DAB1: variants seen among roughly 807,000 people sequenced by gnomAD.
DAB1 encodes DAB adaptor protein 1.
Under a neutral mutation model 64.6 loss-of-function variants are expected in DAB1, and 15 were observed. The ratio of observed to expected loss-of-function variants is 0.23; its 90% CI spans 0.16 to 0.36. The LOEUF is 0.36. Ranked by LOEUF, DAB1 falls within the 10% of genes least tolerant of loss-of-function variation. The probability of loss-of-function intolerance (pLI) is 1.00; values close to 1 mark genes in which losing one functional copy is unlikely to be tolerated. For synonymous variants in DAB1, 235 were observed against 251.9 expected (o/e 0.93, Z 0.64); for missense variants, 596 against 706.7 (o/e 0.84, Z 1.78).
chr1:58,347,355 G>A (rs1036374405), intron 3 of DAB1, among the ~76,000 whole-genome samples: 3 of 152,088 alleles, frequency 2.0e-5, no homozygotes, highest in African/African-American at 4.8e-5. Context: ...CGATTCACCC[G>A]CCTCAGCTTC....
At chr1:57,236,136 C>T (rs764849527) in intron 2 of DAB1, among the ~76,000 whole-genome samples, 13 of 152,192 alleles carry the variant, frequency 8.5e-5, no homozygotes, top group Non-Finnish European at 1.5e-4. Flanking sequence ...AAGGCTTTTA[C>T]GGAGTTCATT....
upstream of DAB1, among the ~76,000 whole-genome samples, chr1:57,887,888 G>GA (rs932201342): frequency 2.0e-5 from 3 of 152,056 alleles, no homozygotes; most frequent in Non-Finnish European, 2.9e-5. Flanking sequence ...ACTTCATAGG[G>GA]AAAAAAATAA....
chr1:57,602,541 T>C (rs1449983248), intron 7 of DAB1, among the ~76,000 whole-genome samples: 11 of 152,138 alleles, frequency 7.2e-5, no homozygotes, highest in African/African-American at 2.2e-4. Flanking sequence ...TATGTTAGGA[T>C]TGCATAGCTG....
chr1:57,685,850 G>A (rs1646691058), intron 6 of DAB1, among the ~76,000 whole-genome samples: 1 of 152,090 alleles, frequency 6.6e-6, no homozygotes, highest in African/African-American at 2.4e-5. Flanking sequence ...TAAAAAAATT[G>A]TTTGAAATTT....
At chr1:58,446,927 CTGTT>C (rs1164505768) in intron 3 of DAB1, among the ~76,000 whole-genome samples, 2 of 152,208 alleles carry the variant, frequency 1.3e-5, no homozygotes, top group African/African-American at 4.8e-5. Context: ...GGATGACAAG[CTGTT>C]CCAGTTTATT....
chr1:57,863,359 T>C (rs1335450233), intron 1 of DAB1: 1 of 152,196 alleles, frequency 6.6e-6, no homozygotes, highest in Non-Finnish European at 1.5e-5. Flanking sequence ...TTAAATGTAG[T>C]GATGGTTTCA....
At chr1:57,672,151 AC>A (rs1646517180) in intron 6 of DAB1, among the ~76,000 whole-genome samples, 1 of 152,140 alleles carries the variant, frequency 6.6e-6, no homozygotes. Context: ...CAGTCAGGTG[AC>A]AAATCTAGAA....
intron 4 of DAB1, among the ~76,000 whole-genome samples, chr1:58,191,618 CT>C (rs1657392590): frequency 6.6e-6 from 1 of 152,182 alleles, no homozygotes; most frequent in Admixed American, 6.5e-5. Context: ...CAAAATGATG[CT>C]TTGCAATCGA....
chr1:57,172,457 T>C (rs1222279741), intron 2 of DAB1, among the ~76,000 whole-genome samples: 1 of 152,206 alleles, frequency 6.6e-6, no homozygotes, highest in African/African-American at 2.4e-5. Context: ...TGGCATTGTC[T>C]TAGTCTATTT....
At chr1:57,731,603 G>A (rs1647422325) in intron 6 of DAB1, among the ~76,000 whole-genome samples, 1 of 152,044 alleles carries the variant, frequency 6.6e-6, no homozygotes, top group South Asian at 2.1e-4. Flanking sequence ...TCAGGAGTTC[G>A]AGACCAGCCT....
At chr1:58,421,212 A>C (rs1200016010) in intron 3 of DAB1, among the ~76,000 whole-genome samples, 1 of 152,236 alleles carries the variant, frequency 6.6e-6, no homozygotes, top group African/African-American at 2.4e-5. Context: ...TGGTGGCAGC[A>C]AGGCTGGGTT....
intron 7 of DAB1, among the ~76,000 whole-genome samples, chr1:57,444,227 T>A (rs1686055537): frequency 6.6e-6 from 1 of 152,290 alleles, no homozygotes; most frequent in Middle Eastern, 3.4e-3. Flanking sequence ...TTCAGAGAGG[T>A]CTGACCTGAC....
At chr1:58,533,650 T>C (rs1269283608) in intron 1 of DAB1, among the ~76,000 whole-genome samples, 1 of 152,154 alleles carries the variant, frequency 6.6e-6, no homozygotes, top group Non-Finnish European at 1.5e-5. Context: ...TATTAATAAT[T>C]ATAGAAAGTT....
intron 4 of DAB1, among the ~76,000 whole-genome samples, chr1:58,240,474 C>T (rs919951581): frequency 2.0e-5 from 3 of 152,110 alleles, no homozygotes; most frequent in Non-Finnish European, 4.4e-5. Flanking sequence ...GAGCTTATTC[C>T]CTAAACACTC....
At chr1:57,204,720 T>C (rs576862578) in intron 2 of DAB1, among the ~76,000 whole-genome samples, 36 of 152,332 alleles carry the variant, frequency 2.4e-4, no homozygotes, top group Admixed American at 1.2e-3. Flanking sequence ...GATTAAAATG[T>C]ACGTAAAGTA....
intron 1 of DAB1, among the ~76,000 whole-genome samples, chr1:57,325,346 G>C (rs1286991320): frequency 6.6e-6 from 1 of 152,186 alleles, no homozygotes; most frequent in Non-Finnish European, 1.5e-5. Context: ...TTACACAATG[G>C]GGCAGAGGAC....
At chr1:57,878,096 C>T (rs368318347) in intron 1 of DAB1, among the ~76,000 whole-genome samples, 1 of 152,100 alleles carries the variant, frequency 6.6e-6, no homozygotes, top group Non-Finnish European at 1.5e-5. Context: ...TGAAGCCTAT[C>T]TTTATGTCCA....
rs142193414 is a variant in DAB1, at chr1:58,090,487, T to A, written n.387+60024A>T. 7.5e-3 allele frequency among the ~76,000 whole-genome samples: 1,138 copies of A among 152,326 alleles called. 21 individuals carry two copies. Among genetic ancestry groups the A allele is most frequent in the African/African-American group, 0.024 (1,004 of 41,572 alleles). ...CCTATCATGCCAATTCCCTTTTGTT[T>A]ACCAATTGGCTACCATCTGCTGGGG... is the stretch of plus-strand genomic sequence containing the variant. On this transcript the variant is annotated intron_variant and non_coding_transcript_variant, in intron 5 of 20. Transcript: ENST00000485760.
chr1:58,148,781 C>G (rs551212474), intron 5 of DAB1, among the ~76,000 whole-genome samples: 12 of 152,002 alleles, frequency 7.9e-5, no homozygotes, highest in South Asian at 6.2e-4. Context: ...TCACACCCCC[C>G]CCCCAACCTC....
Sources: gnomAD v4.1 joint callset for allele counts (sites outside exome capture counted in the v4.1 genomes callset) on GRCh38, gnomAD v4.1.1 for gene constraint, MANE v1.5 for transcripts, NCBI Gene and HGNC (gene_info 2026-07-23, HGNC 2026-07-21) for gene names.